Variants in EPC2 observed in about 807,000 individuals in gnomAD.
EPC2 encodes the protein enhancer of polycomb homolog 2.
Under a neutral mutation model 92.1 loss-of-function variants are expected in EPC2, and 14 were observed. That is an observed-to-expected ratio of 0.15 (90% confidence interval 0.10 to 0.24). The LOEUF (loss-of-function observed/expected upper bound fraction) is 0.24, where lower values mean the gene tolerates loss of function less well. Ranked by LOEUF, EPC2 falls within the 10% of genes least tolerant of loss-of-function variation. EPC2 has a pLI of 1.00. For synonymous variants in EPC2, 340 were observed against 334.7 expected (o/e 1.02, Z -0.17); for missense variants, 755 against 971.5 (o/e 0.78, Z 2.96).
chr2:148,729,768 C>G (rs1682581420), intron 2 of EPC2, among the ~76,000 whole-genome samples: 1 of 152,140 alleles, frequency 6.6e-6, no homozygotes. Context: ...ATTCTTGTAT[C>G]CCCTAGATGC....
At chr2:148,656,472 G>A (rs950790710) in intron 1 of EPC2, among the ~76,000 whole-genome samples, 1 of 152,124 alleles carries the variant, frequency 6.6e-6, no homozygotes, top group Non-Finnish European at 1.5e-5. Flanking sequence ...TGAGTCAGAA[G>A]AGCAACAATA....
chr2:148,761,818 T>G lies in EPC2; in HGVS notation c.703T>G (p.Leu235Val). Residue 235 changes from leucine to valine, a missense_variant, in exon 5 of 14, where the codon TTG (leucine) becomes GTG (valine). Physicochemically the swap from Leu to Val is conservative, Grantham distance 32. This residue lies in a region of EPC2 where 509 missense variants were observed against 607.7 expected (regional missense o/e 0.84). Transcript: ENST00000258484. Reference protein sequence around the residue: ...KNDEASYEKMLKLRREFSRAI... With the variant: ...KNDEASYEKMVKLRREFSRAI... ...TGATGAAGCCTCTTATGAAAAGATG[T>G]TGAAACTGAGACGAGAATTTAGTAG... The G allele has an allele frequency of 6.3e-7, 1 of 1,575,312 alleles. No individual in the cohort carries two copies. The highest frequency in any genetic ancestry group is 8.6e-7 in the Non-Finnish European group (1 of 1,162,860).
At chr2:148,735,678 G>A (rs1422321710) in intron 2 of EPC2, among the ~76,000 whole-genome samples, 4 of 151,738 alleles carry the variant, frequency 2.6e-5, no homozygotes, top group African/African-American at 7.3e-5. Context: ...GGGTATTAAA[G>A]CATAGTTATA....
intron 2 of EPC2, among the ~76,000 whole-genome samples, chr2:148,729,933 A>AT: frequency 6.6e-6 from 1 of 152,302 alleles, no homozygotes; most frequent in Admixed American, 6.5e-5. Flanking sequence ...TAAAATGTGA[A>AT]TTTTGCAAAG....
At chr2:148,654,563 C>G (rs1057060221) in intron 1 of EPC2, among the ~76,000 whole-genome samples, 1 of 152,106 alleles carries the variant, frequency 6.6e-6, no homozygotes, top group Non-Finnish European at 1.5e-5. Context: ...GAGGCTGAAA[C>G]TGGAGGATTC....
Position 148,645,417 on chromosome 2 carries a change from G to T in EPC2, c.153+247G>T, listed in dbSNP as rs771557686. The T allele has an allele frequency of 6.1e-4, 268 of 436,840 alleles. 1 individual carries two copies. Among genetic ancestry groups the T allele is most frequent in the Non-Finnish European group, 9.5e-4 (232 of 243,016 alleles). 27.1% of individuals were successfully genotyped at this position (436,840 alleles called of 1,614,324 possible). On this transcript the variant is annotated intron_variant, in intron 1 of 13. Transcript: ENST00000258484. The stretch of plus-strand genomic sequence containing the variant: ...AGCGCTGCTTACGCTGCCGTAAGGG[G>T]GCCTTGCCGTAAGCGGCGGCCGGGA...
intron 10 of EPC2, among the ~76,000 whole-genome samples, chr2:148,777,242 T>G (rs1683665314): frequency 6.6e-6 from 1 of 152,128 alleles, no homozygotes; most frequent in African/African-American, 2.4e-5. Flanking sequence ...GAAGAAATAC[T>G]AGATGATGTA....
In EPC2 at chr2:148,781,682, C is replaced by G; in HGVS notation, c.1759C>G (p.Gln587Glu). 5 of 1,613,962 alleles carry G rather than the reference C, an allele frequency of 3.1e-6. No homozygotes were observed. Among genetic ancestry groups the G allele is most frequent in the Non-Finnish European group, 4.2e-6 (5 of 1,179,878 alleles). ...CACAGAAGAGCAGTTTCAGACACAT[C>G]AGCAGCAGTTAGTTCAGATGCAAAG... ...GITEEQFQTH[Q>E]QQLVQMQRQQ... The change falls in exon 11 of 14, where the codon CAG becomes GAG. Residue 587 changes from glutamine (Q) to glutamate (E), a missense_variant. Gln to Glu is a conservative substitution (Grantham distance 29). Transcript: ENST00000258484.
intron 3 of EPC2, 181 bp from the exon 4 acceptor site, chr2:148,753,746 T>C (rs1683121868): frequency 1.8e-6 from 1 of 563,476 alleles, no homozygotes; most frequent in Non-Finnish European, 3.1e-6. Context: ...TACTAATTTT[T>C]AGATAAATCT....
chr2:148,674,375 A>G (rs1681222690), intron 1 of EPC2, among the ~76,000 whole-genome samples: 2 of 151,096 alleles, frequency 1.3e-5, no homozygotes, highest in Admixed American at 1.3e-4. Context: ...AGTCAGGAAG[A>G]CAGAATTAGT....
chr2:148,744,121 G>A (rs187079244), intron 3 of EPC2, among the ~76,000 whole-genome samples: 52 of 152,050 alleles, frequency 3.4e-4, no homozygotes, highest in African/African-American at 1.2e-3. Context: ...AGATATTAAG[G>A]TACTCATCAT....
intron 1 of EPC2, among the ~76,000 whole-genome samples, chr2:148,648,168 C>T (rs1278936815): frequency 6.6e-6 from 1 of 152,158 alleles, no homozygotes; most frequent in Non-Finnish European, 1.5e-5. Context: ...ATTAAGCAAA[C>T]CGTAACAGTT....
intron 3 of EPC2, among the ~76,000 whole-genome samples, chr2:148,752,653 C>T (rs1683102329): frequency 6.6e-6 from 1 of 152,150 alleles, no homozygotes; most frequent in Non-Finnish European, 1.5e-5. Context: ...CTTGAGTTGA[C>T]ATTGTCAGTG....
Position 148,771,244 on chromosome 2 carries a change from A to G in EPC2, c.1577A>G (p.Gln526Arg), listed in dbSNP as rs1429489453. ...AGCAATATCAGATCATGTCGACTAC[A>G]GTGTTTCCAGCCAAGGCTACTAAAT... is the stretch of plus-strand genomic sequence containing the variant. ...ILSNIRSCRLQCFQPRLLNLQ... is the reference protein window; with the variant it reads ...ILSNIRSCRLRCFQPRLLNLQ... Residue 526 changes from glutamine (Q) to arginine (R), a missense_variant, in exon 10 of 14, where the codon CAG becomes CGG. Around this residue, in one of 4 missense-constraint regions of EPC2, gnomAD observed 509 missense variants for 607.7 expected, o/e 0.84. Coordinates refer to ENST00000258484, the MANE Select transcript of EPC2 (RefSeq NM_015630.4). The G allele has an allele frequency of 3.1e-6, 5 of 1,613,888 alleles. No homozygotes were observed. Among genetic ancestry groups the G allele is most frequent in the Non-Finnish European group, 4.2e-6 (5 of 1,179,890 alleles).
chr2:148,743,527 A>T, intron 2 of EPC2, 95 bp from the exon 3 acceptor site: 1 of 950,816 alleles, frequency 1.1e-6, no homozygotes, highest in Non-Finnish European at 1.5e-6. Flanking sequence ...TAGTCAGTGC[A>T]CTGTAATTTA....
At chr2:148,766,633 C>CATATT (rs1347709007) in intron 7 of EPC2, among the ~76,000 whole-genome samples, 1 of 152,084 alleles carries the variant, frequency 6.6e-6, no homozygotes, top group Non-Finnish European at 1.5e-5. Flanking sequence ...CTAGGCACAG[C>CATATT]ATATTAGAGG....
intron 1 of EPC2, among the ~76,000 whole-genome samples, chr2:148,650,966 A>C (rs1205913147): frequency 1.3e-5 from 2 of 152,240 alleles, no homozygotes; most frequent in African/African-American, 4.8e-5. Flanking sequence ...CATAGAACTT[A>C]AATGAACCAT....
At chr2:148,744,130 A>T (rs1682937192) in intron 3 of EPC2, among the ~76,000 whole-genome samples, 1 of 152,140 alleles carries the variant, frequency 6.6e-6, no homozygotes, top group Non-Finnish European at 1.5e-5. Flanking sequence ...GGTACTCATC[A>T]TTTTAAATGG....
intron 2 of EPC2, among the ~76,000 whole-genome samples, chr2:148,720,440 C>G (rs2105390338): frequency 6.6e-6 from 1 of 152,294 alleles, no homozygotes; most frequent in African/African-American, 2.4e-5. Flanking sequence ...GGCTGCTCAA[C>G]TTTCTGGATT....
Sources: allele counts gnomAD v4.1 joint callset (sites outside exome capture counted in the v4.1 genomes callset), GRCh38; gene constraint gnomAD v4.1.1; regional missense constraint gnomAD v4.1.1; transcripts MANE v1.5; gene names NCBI Gene and HGNC (gene_info 2026-07-23, HGNC 2026-07-21).